The following ZZEF1 variants were observed in gnomAD, a reference collection of about 807,000 sequenced individuals.
The protein encoded by ZZEF1 is zinc finger ZZ-type and EF-hand domain containing 1.
A neutral mutation model predicts 342.8 loss-of-function variants in ZZEF1; 157 were observed. That is an observed-to-expected ratio of 0.46 (90% CI 0.40 to 0.52). The LOEUF (loss-of-function observed/expected upper bound fraction) is 0.52. Among genes scored for constraint, ZZEF1 ranks in the 20% least tolerant of loss-of-function variants. The pLI, the probability that ZZEF1 is intolerant of heterozygous loss-of-function variation, is 0.00. For synonymous variants in ZZEF1, 1,505 were observed against 1,429.1 expected, an observed-to-expected ratio of 1.05 and a Z score of -1.20; for missense variants, 3,480 against 3,725.6, an observed-to-expected ratio of 0.93 and a Z score of 1.72.
intron 52 of ZZEF1, among the ~76,000 whole-genome samples, chr17:4,012,930 A>G (rs889788461): frequency 2.0e-5 from 3 of 152,214 alleles, no homozygotes; most frequent in African/African-American, 7.2e-5. Flanking sequence ...AACCTCTAAA[A>G]TATTACTAAG....
intron 1 of ZZEF1, among the ~76,000 whole-genome samples, chr17:4,124,977 G>C (rs2058550818): frequency 6.6e-6 from 1 of 152,152 alleles, no homozygotes; most frequent in Admixed American, 6.6e-5. Flanking sequence ...ACAGCTTCTT[G>C]ATCTGAAAGA....
chr17:4,101,567 G>C (rs1267592349), intron 9 of ZZEF1, among the ~76,000 whole-genome samples: 1 of 152,204 alleles, frequency 6.6e-6, no homozygotes. Context: ...TAGGAAAAGA[G>C]TGAGGCTTCC....
chr17:4,077,101 A>G, intron 19 of ZZEF1, 112 bp from the exon 20 acceptor site: 5 of 1,070,142 alleles, frequency 4.7e-6, no homozygotes, highest in Non-Finnish European at 6.2e-6. Context: ...GGGGTTCCAC[A>G]GCGAAGACCA....
chr17:4,138,707 G>A (rs1277734403), intron 1 of ZZEF1, among the ~76,000 whole-genome samples: 1 of 152,162 alleles, frequency 6.6e-6, no homozygotes, highest in South Asian at 2.1e-4. Flanking sequence ...TCACTTTAGG[G>A]CCATCTGTTA....
At chr17:4,051,106 G>T (rs1226473098) in intron 35 of ZZEF1, 63 bp from the exon 36 acceptor site, 34 of 1,612,086 alleles carry the variant, frequency 2.1e-5, no homozygotes, top group South Asian at 1.7e-4. Context: ...CTCCAAACAG[G>T]AGCACAGGGC....
chr17:4,123,006 G>A lies in ZZEF1; in HGVS notation c.499+901C>T, dbSNP rs190977609. 2.3e-4 allele frequency among the ~76,000 whole-genome samples: 33 copies of A among 145,948 alleles called. No homozygotes were observed. In the East Asian group the frequency reaches 6.0e-3, roughly 27 times the overall value. ...GCGATCTCGGCTCACTGCAAGCTCCGCCTCCCAGGTTAACGCCATTCTCCT... is the reference window on the plus strand; with the variant it reads ...GCGATCTCGGCTCACTGCAAGCTCCACCTCCCAGGTTAACGCCATTCTCCT... On this transcript the variant is annotated intron_variant, in intron 2 of 54. Transcript: ENST00000381638.
chr17:4,044,863 T>C (rs936162461), intron 37 of ZZEF1, among the ~76,000 whole-genome samples: 2 of 152,124 alleles, frequency 1.3e-5, no homozygotes, highest in Non-Finnish European at 2.9e-5. Flanking sequence ...ATTAAGACAG[T>C]AACTGTCGGG....
At position 4,013,540 on chromosome 17, in the gene ZZEF1, A is replaced by G. The variant is rs2056022259; in HGVS notation, c.8488T>C (p.Trp2830Arg). ...TGGCGACAGGCCACGCCCACCAGCCATTCCCAAATTTTTGCCAATGGGAGA... is the reference window on the plus strand; with the variant it reads ...TGGCGACAGGCCACGCCCACCAGCCGTTCCCAAATTTTTGCCAATGGGAGA... ...PHLPLAKIWEWLVGVACRQTG... is the reference protein window; with the variant it reads ...PHLPLAKIWERLVGVACRQTG... Residue 2830 changes from tryptophan (W) to arginine (R), a missense_variant, in exon 52 of 55, where the codon TGG (tryptophan) becomes CGG (arginine). Trp to Arg is a moderately radical substitution (Grantham distance 101). Transcript: ENST00000381638. The G allele has an allele frequency of 6.2e-7, 1 of 1,614,060 alleles. No individual in the cohort carries two copies. Among genetic ancestry groups the G allele is most frequent in the Non-Finnish European group, 8.5e-7 (1 of 1,180,016 alleles).
At position 4,070,803 on chromosome 17, in the gene ZZEF1, C is replaced by G; in HGVS notation, c.3956G>C (p.Arg1319Thr). The part of the protein sequence containing the change: ...ELFKGFIQAC[R>T]KQAPKTDIVA... ...TATATCTGTCTTTGGGGCCTGTTTT[C>G]TACATGCCTGTATGAATCCTTTGAA... Residue 1319 changes from arginine (R) to threonine (T), a missense_variant, in exon 26 of 55, where the codon AGA becomes ACA. Around this residue, in one of 5 missense-constraint regions of ZZEF1, gnomAD observed 1,528 missense variants for 1,624.1 expected, o/e 0.94. Transcript: ENST00000381638. 6.2e-7 allele frequency: 1 copy of G among 1,614,136 alleles called. No individual in the cohort carries two copies. Among genetic ancestry groups the G allele is most frequent in the Non-Finnish European group, 8.5e-7 (1 of 1,180,036 alleles).
chr17:4,036,803 ACACACACACACACACTCTCTCTCT>A (rs983788404), intron 39 of ZZEF1, among the ~76,000 whole-genome samples: 4 of 93,680 alleles, frequency 4.3e-5, no homozygotes, highest in African/African-American at 3.7e-4. Flanking sequence ...ACACACACAC[ACACACACACACACACTCTCTCTCT>A]CTCTCTCTCT....
intron 1 of ZZEF1, among the ~76,000 whole-genome samples, chr17:4,134,889 G>C (rs1257457631): frequency 6.6e-6 from 1 of 152,140 alleles, no homozygotes; most frequent in Non-Finnish European, 1.5e-5. Flanking sequence ...GAAAGTATAT[G>C]GCGAGGGAGA....
In ZZEF1 at chr17:4,017,201, G is replaced by C. The variant is rs1024358937; in HGVS notation, c.8001+170C>G. ...CTCAGGGCCCCTGAGTTCCTCACTA[G>C]CCCAATCCTTGGGAGAGGATACAGT... On this transcript the variant is annotated intron_variant, in intron 48 of 54. Coordinates refer to ENST00000381638, the MANE Select transcript of ZZEF1 (RefSeq NM_015113.4). The surrounding 1 kb of genome is among the most constrained non-coding windows in gnomAD (Gnocchi z 5.1). 9.5e-6 allele frequency: 9 copies of C among 946,432 alleles called. 1 individual carries two copies. The East Asian group carries it at 2.4e-4, about 25-fold the overall frequency. 58.6% of individuals were successfully genotyped at this position (946,432 alleles called of 1,614,324 possible).
chr17:4,142,255 AG>A (rs1459290032), intron 1 of ZZEF1, among the ~76,000 whole-genome samples: 1 of 13,058 alleles, frequency 7.7e-5, no homozygotes, highest in Non-Finnish European at 7.2e-4. Context: ...AGAATCTGAT[AG>A]AAGATCTCCA....
intron 29 of ZZEF1, among the ~76,000 whole-genome samples, chr17:4,063,789 G>A (rs1399947729): frequency 2.0e-5 from 3 of 150,172 alleles, no homozygotes; most frequent in African/African-American, 4.9e-5. Context: ...GTACAGTGGC[G>A]TGATCTCGGC....
chr17:4,097,119 G>A (rs1389109718), intron 9 of ZZEF1, among the ~76,000 whole-genome samples: 1 of 151,952 alleles, frequency 6.6e-6, no homozygotes, highest in Non-Finnish European at 1.5e-5. Flanking sequence ...AAATTATCCA[G>A]GTGTGGTGGC....
intron 9 of ZZEF1, among the ~76,000 whole-genome samples, chr17:4,098,296 T>C (rs2058073526): frequency 6.7e-6 from 1 of 149,552 alleles, no homozygotes; most frequent in South Asian, 2.1e-4. Context: ...CCTGCAATCC[T>C]AGCTACTTGG....
rs76633877 is a variant in ZZEF1 at position 4,006,145 on chromosome 17, C to G, written c.*745G>C. ...AATGGTCAGTCCCCGGTCATGCCCT[C>G]GAGCCCCTCCAGGGAGACAGTGTGG... On this transcript the variant is annotated 3_prime_UTR_variant, in exon 55 of 55. Coordinates refer to ENST00000381638, the MANE Select transcript of ZZEF1 (RefSeq NM_015113.4). 1.3e-5 allele frequency: 2 copies of G among 153,162 alleles called. No homozygotes were observed. The highest frequency in any genetic ancestry group is 2.9e-5 in the Non-Finnish European group (2 of 68,780). The allele number at this position is 153,162 out of a possible 1,614,324, so 9.5% of individuals were successfully genotyped here.
At chr17:4,137,468 C>T (rs369426570) in intron 1 of ZZEF1, among the ~76,000 whole-genome samples, 6 of 152,098 alleles carry the variant, frequency 3.9e-5, no homozygotes, top group East Asian at 3.9e-4. Flanking sequence ...AAAAATTAGC[C>T]GGGCGTGGTG....
chr17:4,111,761 T>TATAG (rs71144163), intron 5 of ZZEF1, among the ~76,000 whole-genome samples: 1 of 50,754 alleles, frequency 2.0e-5, no homozygotes, highest in East Asian at 3.6e-4. Flanking sequence ...TATATATGTT[T>TATAG]ATATATATAT....
Sources: gnomAD v4.1 joint callset for allele counts (sites outside exome capture counted in the v4.1 genomes callset) on GRCh38, gnomAD v4.1.1 for gene constraint, gnomAD v4.1.1 regional missense constraint, Gnocchi (gnomAD v3.1) non-coding constraint, MANE v1.5 for transcripts, NCBI Gene and HGNC (gene_info 2026-07-23, HGNC 2026-07-21) for gene names.